Variants in WDFY3 observed in about 807,000 individuals in gnomAD.
WDFY3 encodes WD repeat and FYVE domain-containing protein 3.
Under a neutral mutation model 409.6 loss-of-function variants are expected in WDFY3, and 66 were observed. That is an observed-to-expected ratio of 0.16 (90% CI 0.13 to 0.20). The LOEUF (loss-of-function observed/expected upper bound fraction) is 0.20, where lower values mean the gene tolerates loss of function less well. Ranked by LOEUF, WDFY3 falls within the 10% of genes least tolerant of loss-of-function variation. The pLI, the probability that WDFY3 is intolerant of heterozygous loss-of-function variation, is 1.00. For synonymous variants in WDFY3, 1,521 were observed against 1,537.1 expected, an observed-to-expected ratio of 0.99 and a Z score of 0.25; for missense variants, 3,031 against 4,298.1, an observed-to-expected ratio of 0.71 and a Z score of 8.24.
chr4:84,922,091 C>T lies in WDFY3; in HGVS notation c.-132+10179G>A, dbSNP rs17009337. On this transcript the variant is annotated intron_variant, in intron 2 of 67. Coordinates refer to ENST00000295888, the MANE Select transcript of WDFY3 (RefSeq NM_014991.6). ...AAGTTACACAATATATATCTGTATC[C>T]GGATTCTAGTATTCTACTTGAGCAC... Among the ~76,000 whole-genome samples, 982 of 151,584 alleles carry T rather than the reference C, an allele frequency of 6.5e-3. 9 individuals carry two copies. The highest frequency in any genetic ancestry group is 0.045 in the South Asian group (214 of 4,792).
chr4:84,762,469 G>C (rs530297686), intron 32 of WDFY3, among the ~76,000 whole-genome samples: 5 of 122,824 alleles, frequency 4.1e-5, no homozygotes, highest in Admixed American at 9.3e-5. Context: ...GTTCTGGGGT[G>C]GGGGGAGGGG....
At chr4:84,870,663 T>C (rs1260096352) in intron 3 of WDFY3, among the ~76,000 whole-genome samples, 3 of 152,052 alleles carry the variant, frequency 2.0e-5, no homozygotes. Context: ...ATCAGAGCCT[T>C]ATCTTTCCTG....
At chr4:84,776,263 A>G (rs1193126678) in intron 27 of WDFY3, among the ~76,000 whole-genome samples, 1 of 152,050 alleles carries the variant, frequency 6.6e-6, no homozygotes, top group Non-Finnish European at 1.5e-5. Flanking sequence ...AATAAATTCT[A>G]AAACAATCAC....
At chr4:84,963,874 T>G (rs1775258146) in intron 1 of WDFY3, among the ~76,000 whole-genome samples, 1 of 152,220 alleles carries the variant, frequency 6.6e-6, no homozygotes, top group Non-Finnish European at 1.5e-5. Flanking sequence ...TCCTTCGATT[T>G]AAATGAGAAT....
At chr4:84,799,340 T>A (rs114850017) in intron 17 of WDFY3, among the ~76,000 whole-genome samples, 7,131 of 44,684 alleles carry the variant, frequency 0.16, 529 homozygotes, top group African/African-American at 0.28. Flanking sequence ...ATATATATAT[T>A]TTTTTTTTTT....
At chr4:84,736,423 G>T in intron 41 of WDFY3, 96 bp from the exon 42 acceptor site, 1 of 1,133,584 alleles carries the variant, frequency 8.8e-7, no homozygotes, top group Non-Finnish European at 1.2e-6. Context: ...CAACCCTGTA[G>T]TTAACAAAAG....
intron 2 of WDFY3, among the ~76,000 whole-genome samples, chr4:84,927,472 G>A (rs1252881455): frequency 6.6e-6 from 1 of 152,130 alleles, no homozygotes; most frequent in Non-Finnish European, 1.5e-5. Flanking sequence ...ATATGATGGT[G>A]GTTGATTTGG....
intron 10 of WDFY3, among the ~76,000 whole-genome samples, chr4:84,824,875 G>A (rs1754624382): frequency 6.6e-6 from 1 of 152,078 alleles, no homozygotes; most frequent in African/African-American, 2.4e-5. Flanking sequence ...AAAATTTTGA[G>A]TTATACAGGA....
intron 3 of WDFY3, among the ~76,000 whole-genome samples, chr4:84,882,001 T>C (rs1369783564): frequency 2.0e-5 from 3 of 152,216 alleles, no homozygotes; most frequent in Non-Finnish European, 2.9e-5. Flanking sequence ...AGAAACATTA[T>C]CTCATGCAAT....
intron 53 of WDFY3, among the ~76,000 whole-genome samples, chr4:84,707,530 A>G (rs1343992732): frequency 1.3e-5 from 2 of 152,184 alleles, no homozygotes; most frequent in Non-Finnish European, 2.9e-5. Context: ...GGTGAAGGTC[A>G]GAATTGCATC....
chr4:84,951,739 C>T (rs1257170709), intron 1 of WDFY3, among the ~76,000 whole-genome samples: 1 of 152,118 alleles, frequency 6.6e-6, no homozygotes, highest in African/African-American at 2.4e-5. Flanking sequence ...ATAGTGCTTG[C>T]CAAACAAAAT....
chr4:84,777,299 C>CT, intron 27 of WDFY3, among the ~76,000 whole-genome samples: 1 of 151,186 alleles, frequency 6.6e-6, no homozygotes, highest in Non-Finnish European at 1.5e-5. Flanking sequence ...AGACCGTCAG[C>CT]CTAGGTAAGA....
intron 56 of WDFY3, among the ~76,000 whole-genome samples, chr4:84,698,678 C>G (rs1730556821): frequency 6.6e-6 from 1 of 151,990 alleles, no homozygotes; most frequent in Admixed American, 6.6e-5. Flanking sequence ...AAAAAAAAAT[C>G]CAAGTGCTTT....
intron 62 of WDFY3, among the ~76,000 whole-genome samples, chr4:84,685,180 C>T (rs532290143): frequency 6.6e-6 from 1 of 152,218 alleles, no homozygotes; most frequent in African/African-American, 2.4e-5. Context: ...TATATAAGAA[C>T]CTACATAAGT....
intron 1 of WDFY3, among the ~76,000 whole-genome samples, chr4:84,935,641 T>C (rs1390895789): frequency 1.3e-5 from 2 of 152,122 alleles, no homozygotes; most frequent in African/African-American, 2.4e-5. Context: ...AAACAGGCAA[T>C]TGTTGAGATA....
intron 36 of WDFY3, among the ~76,000 whole-genome samples, chr4:84,751,038 G>T (rs1740424111): frequency 2.0e-5 from 3 of 152,272 alleles, no homozygotes; most frequent in African/African-American, 7.2e-5. Flanking sequence ...CAGGGAAGGG[G>T]TTGGCACACT....
chr4:84,911,380 AG>A (rs1767761124), intron 2 of WDFY3, among the ~76,000 whole-genome samples: 1 of 152,134 alleles, frequency 6.6e-6, no homozygotes. Context: ...CTAGCTACTC[AG>A]GAGGCTGAGG....
At chr4:84,766,788 T>C (rs1304868796) in intron 30 of WDFY3, among the ~76,000 whole-genome samples, 11 of 152,338 alleles carry the variant, frequency 7.2e-5, no homozygotes, top group African/African-American at 1.9e-4. Flanking sequence ...ATAGGAAGCA[T>C]AGACTTATTC....
intron 4 of WDFY3, among the ~76,000 whole-genome samples, chr4:84,855,857 G>A (rs939705166): frequency 1.3e-5 from 2 of 152,166 alleles, no homozygotes; most frequent in African/African-American, 4.8e-5. Flanking sequence ...CATCAGATGA[G>A]AGTCTGAGAA....
Sources: gnomAD v4.1 joint callset for allele counts (sites outside exome capture counted in the v4.1 genomes callset) on GRCh38, gnomAD v4.1.1 for gene constraint, MANE v1.5 for transcripts, NCBI Gene and HGNC (gene_info 2026-07-23, HGNC 2026-07-21) for gene names.